Variants in ENO1 observed in about 807,000 individuals in gnomAD.
ENO1 encodes enolase 1.
ENO1 carries 33 observed loss-of-function variants against 46.3 expected under a neutral mutation model. The ratio of observed to expected loss-of-function variants is 0.71; its 90% CI spans 0.54 to 0.95. The LOEUF (loss-of-function observed/expected upper bound fraction) is 0.95, where lower values mean the gene tolerates loss of function less well. ENO1 is among the 40% of genes least tolerant of loss of function. ENO1 has a pLI of 0.00. For synonymous variants in ENO1, 220 were observed against 216.0 expected (o/e 1.02, Z -0.16); for missense variants, 488 against 553.3 (o/e 0.88, Z 1.18).
chr1:8,868,903 C>T (rs138784292), intron 4 of ENO1, among the ~76,000 whole-genome samples: 1 of 152,160 alleles, frequency 6.6e-6, no homozygotes, highest in East Asian at 1.9e-4. Context: ...TCTCAAACTC[C>T]TGGCCTCAAG....
chr1:8,872,448 T>A (rs1038047900), intron 2 of ENO1, among the ~76,000 whole-genome samples: 2 of 152,064 alleles, frequency 1.3e-5, no homozygotes, highest in African/African-American at 4.8e-5. Flanking sequence ...TATGGCGTGA[T>A]CTTGGCTCAC....
Position 8,863,817 on chromosome 1 carries a change from C to A in ENO1, c.1067+74G>T, listed in dbSNP as rs1642453924. 1.2e-5 allele frequency: 19 copies of A among 1,523,780 alleles called. 1 individual carries two copies. The South Asian group carries it at 2.1e-4, about 17-fold the overall frequency. The allele number at this position is 1,523,780 out of a possible 1,614,324, so 94.4% of individuals were successfully genotyped here. A position where few individuals can be genotyped will look rare whatever the true frequency, so the allele number is the denominator to read the frequency against. On this transcript the variant is annotated intron_variant, in intron 9 of 11. Transcript: ENST00000234590. The stretch of plus-strand genomic sequence containing the variant: ...TTCTGGCCAGCAGGATTCCCCATCA[C>A]CAGAACAAAAGGGCCCTTTTCTGAT...
chr1:8,862,283 C>T (rs1569891678), intron 11 of ENO1, among the ~76,000 whole-genome samples: 1 of 152,128 alleles, frequency 6.6e-6, no homozygotes. Context: ...AACAAAAAAG[C>T]CCTGCGTCTA....
At chr1:8,871,535 C>A (rs1642632802) in intron 3 of ENO1, 2 of 1,051,120 alleles carry the variant, frequency 1.9e-6, no homozygotes, top group Non-Finnish European at 2.3e-6. Flanking sequence ...TCTGGAGGGC[C>A]CACAGAACCC....
chr1:8,870,592 A>G (rs1223527815), intron 3 of ENO1, 82 bp from the exon 4 acceptor site: 4 of 1,590,454 alleles, frequency 2.5e-6, no homozygotes, highest in Non-Finnish European at 2.6e-6. Context: ...ACCACTGTTG[A>G]GGCCGACGCG....
At chr1:8,869,154 G>C (rs1473054011) in intron 4 of ENO1, among the ~76,000 whole-genome samples, 1 of 152,158 alleles carries the variant, frequency 6.6e-6, no homozygotes, top group African/African-American at 2.4e-5. Context: ...CACTGCAACA[G>C]GCAGGCAGTT....
chr1:8,869,239 CAG>C (rs1642582522), intron 4 of ENO1, among the ~76,000 whole-genome samples: 1 of 152,012 alleles, frequency 6.6e-6, no homozygotes, highest in African/African-American at 2.4e-5. Flanking sequence ...AAAAAAAAGT[CAG>C]GGGATCCTGC....
chr1:8,868,105 A>G (rs1485324679), intron 4 of ENO1, 48 bp from the exon 5 acceptor site: 15 of 1,369,528 alleles, frequency 1.1e-5, no homozygotes, highest in East Asian at 2.3e-5. Flanking sequence ...TCTTATCTGC[A>G]TAGCCTTTGC....
At chr1:8,875,319 AAG>A (rs1021823471) in intron 1 of ENO1, among the ~76,000 whole-genome samples, 7 of 152,026 alleles carry the variant, frequency 4.6e-5, no homozygotes, top group South Asian at 4.1e-4. Context: ...AAAAAAAAAA[AAG>A]AGAGAGAAAA....
rs1253014652 is a variant in ENO1 at position 8,866,405 on chromosome 1, C to T, written c.541G>A (p.Ala181Thr). 2 of 1,614,258 alleles carry T rather than the reference C, an allele frequency of 1.2e-6. No homozygotes were observed. Among genetic ancestry groups the T allele is most frequent in the African/African-American group, 1.3e-5 (1 of 75,070 alleles). Residue 181 changes from alanine (A) to threonine (T), a missense_variant, in exon 7 of 12, where the codon GCC becomes ACC. Transcript: ENST00000234590. ...TAAACCTCTGCTCCAATGCGCATGGCTTCCCTGAAGTTTGCTGCACCGACT... is the reference window on the plus strand; with the variant it reads ...TAAACCTCTGCTCCAATGCGCATGGTTTCCCTGAAGTTTGCTGCACCGACT... The part of the protein sequence containing the change: ...LPVGAANFRE[A>T]MRIGAEVYHN...
At chr1:8,873,679 A>G (rs1642677573) in intron 2 of ENO1, 1 of 152,148 alleles carries the variant, frequency 6.6e-6, no homozygotes. Flanking sequence ...TTGCCCAACG[A>G]AGTCAGGCCT....
Position 8,866,333 on chromosome 1 carries a change from T to C in ENO1, c.613A>G (p.Thr205Ala), listed in dbSNP as rs1642514911. ...AACCCGCCTTCATCCCCCACATTGGTGGCATCTTTCCCATATTTCTCCTTG... is the reference window on the plus strand; with the variant it reads ...AACCCGCCTTCATCCCCCACATTGGCGGCATCTTTCCCATATTTCTCCTTG... ...VIKEKYGKDA[T>A]NVGDEGGFAP... is the part of the protein sequence containing the mutation. Residue 205 changes from threonine (T) to alanine (A), a missense_variant, in exon 7 of 12, where the codon ACC becomes GCC. Thr to Ala is a moderately conservative substitution (Grantham distance 58). Transcript: ENST00000234590. 6.2e-7 allele frequency: 1 copy of C among 1,614,006 alleles called. No homozygotes were observed. Among genetic ancestry groups the C allele is most frequent in the Admixed American group, 1.7e-5 (1 of 60,002 alleles).
chr1:8,867,041 A>G, intron 6 of ENO1, 76 bp downstream of exon 6: 1 of 1,571,320 alleles, frequency 6.4e-7, no homozygotes, highest in Non-Finnish European at 8.7e-7. Flanking sequence ...ATATCAAGGC[A>G]TAGGAGGTCT....
rs761571066 is a variant in ENO1 at position 8,863,346 on chromosome 1, G to A, written c.1068-3C>T. On this transcript the variant is annotated splice_region_variant and splice_polypyrimidine_tract_variant and intron_variant, in intron 9 of 11. Transcript: ENST00000234590. ...CATTGGCCTGGGCCAGCTTGCACCT[G>A]GAAGCCAAGGAACAACCCAGATGGC... 1 of 1,611,240 alleles carries A rather than the reference G, an allele frequency of 6.2e-7. No individual in the cohort carries two copies. The highest frequency in any genetic ancestry group is 1.1e-5 in the South Asian group (1 of 90,754).
intron 2 of ENO1, among the ~76,000 whole-genome samples, chr1:8,874,595 A>AAAAAAAAAAAG (rs1557587518): frequency 6.8e-6 from 1 of 146,864 alleles, no homozygotes; most frequent in Admixed American, 6.7e-5. Flanking sequence ...AAAAAAAAAA[A>AAAAAAAAAAAG]AAAAAGAAAA....
intron 10 of ENO1, 143 bp downstream of exon 10, chr1:8,863,092 G>T: frequency 7.5e-7 from 1 of 1,335,896 alleles, no homozygotes; most frequent in Non-Finnish European, 1.0e-6. Context: ...GGGCGCTCAT[G>T]CCCCCATTCT....
intron 3 of ENO1, chr1:8,871,032 T>A (rs1005992831): frequency 4.0e-6 from 5 of 1,239,388 alleles, no homozygotes; most frequent in Non-Finnish European, 4.0e-6. Flanking sequence ...AAATGCTTAC[T>A]TACTGAGCAC....
chr1:8,873,622 A>G (rs1373479540), intron 2 of ENO1, among the ~76,000 whole-genome samples: 1 of 152,236 alleles, frequency 6.6e-6, no homozygotes, highest in Non-Finnish European at 1.5e-5. Flanking sequence ...GAGAAACCCC[A>G]CAGTGCTTGA....
intron 11 of ENO1, among the ~76,000 whole-genome samples, chr1:8,862,333 G>A (rs946381101): frequency 5.9e-5 from 9 of 151,952 alleles, no homozygotes; most frequent in African/African-American, 1.9e-4. Context: ...AAAATTTCCA[G>A]GATACAGTTT....
Sources: gnomAD v4.1 joint callset for allele counts (sites outside exome capture counted in the v4.1 genomes callset) on GRCh38, gnomAD v4.1.1 for gene constraint, MANE v1.5 for transcripts, NCBI Gene and HGNC (gene_info 2026-07-23, HGNC 2026-07-21) for gene names.